CORO1B: variants seen among roughly 807,000 people sequenced by gnomAD.
CORO1B encodes the protein coronin-1B.
CORO1B carries 30 observed loss-of-function variants against 51.1 expected under a neutral mutation model. That is an observed-to-expected ratio of 0.59 (90% CI 0.44 to 0.80). The LOEUF is 0.80. CORO1B is among the 30% of genes least tolerant of loss of function. CORO1B has a pLI of 0.00. For synonymous variants in CORO1B, 310 were observed against 289.7 expected, an observed-to-expected ratio of 1.07 and a Z score of -0.71; for missense variants, 648 against 700.4, an observed-to-expected ratio of 0.93 and a Z score of 0.84.
In CORO1B at chr11:67,440,201, G is replaced by A. The variant is rs1223822110; in HGVS notation, c.924C>T (p.Asn308=). 3 of 1,613,810 alleles carry A rather than the reference G, an allele frequency of 1.9e-6. No individual in the cohort carries two copies. Among genetic ancestry groups the A allele is most frequent in the South Asian group, 2.2e-5 (2 of 91,094 alleles). ...GCTGCGGCTCCTTGCTGGTGAACGT[G>A]TTCAGGAAGTGGATGTAGGGAGGCT... ...TEEPPYIHFL[N]TFTSKEPQRG... The change falls in exon 8 of 11, where the codon AAC becomes AAT. Residue 308 remains asparagine (N), a synonymous_variant. Transcript: ENST00000341356.
At chr11:67,442,915 G>A (rs1388900695) in intron 1 of CORO1B, among the ~76,000 whole-genome samples, 1 of 152,216 alleles carries the variant, frequency 6.6e-6, no homozygotes, top group Non-Finnish European at 1.5e-5. Context: ...TGTGTGTCGG[G>A]GGCAGGAGGT....
chr11:67,442,599 G>C lies in CORO1B; in HGVS notation c.30C>G (p.Ser10Arg). 1 of 1,613,728 alleles carries C rather than the reference G, an allele frequency of 6.2e-7. No homozygotes were observed. The highest frequency in any genetic ancestry group is 1.1e-5 in the South Asian group (1 of 91,090). Residue 10 changes from serine (S) to arginine (R), a missense_variant, in exon 2 of 11, where the codon AGC (serine) becomes AGG (arginine). Physicochemically the swap from Ser to Arg is moderately radical, Grantham distance 110. Transcript: ENST00000341356. Reference sequence around the variant, plus strand: ...GCTGCCCGAACACATGCCGGAATTTGCTCTGCCGGACCACTTTGCGGAAGG... The same window carrying C: ...GCTGCCCGAACACATGCCGGAATTTCCTCTGCCGGACCACTTTGCGGAAGG... MSFRKVVRQSKFRHVFGQPV... is the reference protein window; with the variant it reads MSFRKVVRQRKFRHVFGQPV...
intron 4 of CORO1B, 21 bp from the exon 5 acceptor site, chr11:67,441,535 G>A (rs908916140): frequency 3.1e-6 from 5 of 1,605,232 alleles, no homozygotes; most frequent in Non-Finnish European, 4.3e-6. Context: ...AGGGTTGTCA[G>A]CTCGGGCCGG....
At position 67,435,620 on chromosome 11, in the gene CORO1B, C is replaced by T; in HGVS notation, c.*2756G>A. On this transcript the variant is annotated 3_prime_UTR_variant, in exon 11 of 11. Transcript: ENST00000341356. ...GGACTTGGGAACTGGTAGGGGGTGA[C>T]AGTCTGAGGCATGGTCATGTGGGCT... The T allele has an allele frequency of 6.9e-7, 1 of 1,448,442 alleles. No homozygotes were observed. Among genetic ancestry groups the T allele is most frequent in the African/African-American group, 1.4e-5 (1 of 70,574 alleles). The allele number at this position is 1,448,442 out of a possible 1,614,324, so 89.7% of individuals were successfully genotyped here.
intron 8 of CORO1B, 63 bp from the exon 9 acceptor site, chr11:67,439,906 C>T: frequency 1.4e-6 from 2 of 1,458,050 alleles, no homozygotes; most frequent in Non-Finnish European, 1.9e-6. Context: ...ACCGCCAGCT[C>T]TCCTGGCATC....
Position 67,441,486 on chromosome 11 carries a change from AT to A in CORO1B, c.482del (p.Asn161MetfsTer82). 1.9e-6 allele frequency: 3 copies of A among 1,613,612 alleles called. No individual in the cohort carries two copies. The highest frequency in any genetic ancestry group is 2.5e-6 in the Non-Finnish European group (3 of 1,179,930). On this transcript the variant is annotated frameshift_variant, in exon 5 of 11. Transcript: ENST00000341356. LOFTEE classifies it high-confidence loss of function. ...GGTACAGCTCCTCCGCTGTGCCCAC[AT>A]TCCAGATGAGTACCACGTTGTCGCA... ...AGCDNVVLIW[N>X]VGTAEELYRL...
rs1412763104 is a variant in CORO1B, at chr11:67,436,722, C to T, written c.*1654G>A. The T allele has an allele frequency of 1.3e-5, 3 of 226,788 alleles. No individual in the cohort carries two copies. Among genetic ancestry groups the T allele is most frequent in the African/African-American group, 2.3e-5 (1 of 43,788 alleles). The allele number at this position is 226,788 out of a possible 1,614,324, so 14.0% of individuals were successfully genotyped here. On this transcript the variant is annotated 3_prime_UTR_variant, in exon 11 of 11. Coordinates refer to ENST00000341356, the MANE Select transcript of CORO1B (RefSeq NM_020441.3). The stretch of plus-strand genomic sequence containing the variant: ...CCAGTGAGGCTGAACCTGACCTTAA[C>T]CTCTACCCTGATGTCTATCACTGCA...
chr11:67,440,122 C>T lies in CORO1B; in HGVS notation c.1003G>A (p.Ala335Thr), dbSNP rs767771419. 59 of 1,609,450 alleles carry T rather than the reference C, an allele frequency of 3.7e-5. No individual in the cohort carries two copies. The highest frequency in any genetic ancestry group is 4.4e-5 in the Non-Finnish European group (52 of 1,177,810). The change falls in exon 8 of 11, where the codon GCC (alanine) becomes ACC (threonine). Residue 335 changes from alanine (A) to threonine (T), a missense_variant. Transcript: ENST00000341356. Reference sequence around the variant, plus strand: ...TGGCCTCGGTAGCCCTCTTACCGGGCGATCTCGCACTTGCTGACCTCCAGG... The same window carrying T: ...TGGCCTCGGTAGCCCTCTTACCGGGTGATCTCGCACTTGCTGACCTCCAGG... ...RGLEVSKCEIARFYKLHERKC... is the reference protein window; with the variant it reads ...RGLEVSKCEITRFYKLHERKC...
At chr11:67,438,580 C>A in intron 10 of CORO1B, 79 bp from the exon 11 acceptor site, 1 of 1,552,974 alleles carries the variant, frequency 6.4e-7, no homozygotes, top group East Asian at 2.3e-5. Flanking sequence ...CACCACTACC[C>A]CAGAGAGGGA....
At position 67,437,440 on chromosome 11, in the gene CORO1B, A is replaced by G; in HGVS notation, c.*936T>C. 1.5e-6 allele frequency: 1 copy of G among 660,298 alleles called. No individual in the cohort carries two copies. Among genetic ancestry groups the G allele is most frequent in the Non-Finnish European group, 2.2e-6 (1 of 446,570 alleles). 40.9% of individuals were successfully genotyped at this position (660,298 alleles called of 1,614,324 possible). The stretch of plus-strand genomic sequence containing the variant: ...ATGGGGTGCTGGGGGCCAGGCCTGG[A>G]GTCCCAGGGAGCCCAGCTCAGGTGA... On this transcript the variant is annotated 3_prime_UTR_variant, in exon 11 of 11. Transcript: ENST00000341356.
chr11:67,442,659 C>A (rs770247525), intron 1 of CORO1B, 29 bp from the exon 2 acceptor site: 2 of 1,600,416 alleles, frequency 1.2e-6, no homozygotes. Context: ...TGGGTCAGTC[C>A]GGCCCATCCC....
rs142509476 is a variant in CORO1B, at chr11:67,438,753, G to A, written c.1262C>T (p.Pro421Leu). 1.8e-4 allele frequency: 285 copies of A among 1,564,378 alleles called. No homozygotes were observed. The East Asian group carries it at 4.4e-3, about 24-fold the overall frequency. ...GGGGGCCCCTAGGTGGGAGGAGCCCGGGGCCATGGCGGGCCGGCTGTCAGA... is the reference window on the plus strand; with the variant it reads ...GGGGGCCCCTAGGTGGGAGGAGCCCAGGGCCATGGCGGGCCGGCTGTCAGA... ...VLSDSRPAMAPGSSHLGAPAS... is the reference protein window; with the variant it reads ...VLSDSRPAMALGSSHLGAPAS... The change falls in exon 10 of 11, where the codon CCG (proline) becomes CTG (leucine). Residue 421 changes from proline to leucine, a missense_variant. Pro to Leu is a moderately conservative substitution (Grantham distance 98, BLOSUM62 -3). Coordinates refer to ENST00000341356, the MANE Select transcript of CORO1B (RefSeq NM_020441.3).
Position 67,437,506 on chromosome 11 carries a change from C to A in CORO1B, c.*870G>T, listed in dbSNP as rs1864311082. ...TCTGCCATACTCCTCTTAGGTCTCA[C>A]CTCTTCCCTGGGGCCAATGTGGGGC... is the stretch of plus-strand genomic sequence containing the variant. On this transcript the variant is annotated 3_prime_UTR_variant, in exon 11 of 11. Coordinates refer to ENST00000341356, the MANE Select transcript of CORO1B (RefSeq NM_020441.3). The A allele has an allele frequency of 8.1e-7, 1 of 1,241,686 alleles. No homozygotes were observed. The highest frequency in any genetic ancestry group is 3.1e-5 in the South Asian group (1 of 31,890). 76.9% of individuals were successfully genotyped at this position (1,241,686 alleles called of 1,614,324 possible).
rs753471428 is a variant in CORO1B, at chr11:67,435,944, G to T, written c.*2432C>A. ...CACGGGGACCTGCTCTGGGCTGGAC[G>T]CCTCTCCACATTGCTGCTCGCCTTC... On this transcript the variant is annotated 3_prime_UTR_variant, in exon 11 of 11. Transcript: ENST00000341356. 6.2e-7 allele frequency: 1 copy of T among 1,613,506 alleles called. No individual in the cohort carries two copies. Among genetic ancestry groups the T allele is most frequent in the South Asian group, 1.1e-5 (1 of 91,078 alleles).
At chr11:67,443,605 G>C (rs995071909), upstream of CORO1B, 48 of 708,542 alleles carry the variant, frequency 6.8e-5, no homozygotes, top group Non-Finnish European at 8.0e-5. Context: ...GCCGGGAGCG[G>C]GGCCGCCGGG....
In CORO1B at chr11:67,439,177, G is replaced by A. The variant is rs188329647; in HGVS notation, c.1066-228C>T. ...CATCACCTTCCCCTGCAAGGCACAG[G>A]GGCCACTATGTGGCTTTATGGGATT... On this transcript the variant is annotated intron_variant, in intron 9 of 10. Coordinates refer to ENST00000341356, the MANE Select transcript of CORO1B (RefSeq NM_020441.3). 1.6e-4 allele frequency among the ~76,000 whole-genome samples: 25 copies of A among 152,350 alleles called. 1 individual carries two copies. In the East Asian group the frequency reaches 4.8e-3, roughly 29 times the overall value.
intron 10 of CORO1B, 47 bp from the exon 11 acceptor site, chr11:67,438,548 T>G: frequency 1.3e-6 from 2 of 1,576,750 alleles, no homozygotes; most frequent in Non-Finnish European, 1.7e-6. Context: ...CAGGGGCTGC[T>G]AAGCCATAGC....
chr11:67,435,707 C>G lies in CORO1B; in HGVS notation c.*2669G>C. 6.7e-7 allele frequency: 1 copy of G among 1,500,212 alleles called. No individual in the cohort carries two copies. The highest frequency in any genetic ancestry group is 1.3e-5 in the South Asian group (1 of 75,396). 92.9% of individuals were successfully genotyped at this position (1,500,212 alleles called of 1,614,324 possible). On this transcript the variant is annotated 3_prime_UTR_variant, in exon 11 of 11. Transcript: ENST00000341356. ...AGGCACGGGGAGTGAGCGGCTGTGA[C>G]AGGGATGGGACACCAAGACCGGCCT...
chr11:67,438,249 G>T lies in CORO1B; in HGVS notation c.*127C>A. Reference sequence around the variant, plus strand: ...TTCGGCCTGGGCCTGGGACGGGTGGGGGTGGGAACTGACCCCTGCGCTGCC... The same window carrying T: ...TTCGGCCTGGGCCTGGGACGGGTGGTGGTGGGAACTGACCCCTGCGCTGCC... On this transcript the variant is annotated 3_prime_UTR_variant, in exon 11 of 11. Coordinates refer to ENST00000341356, the MANE Select transcript of CORO1B (RefSeq NM_020441.3). 1.7e-6 allele frequency: 2 copies of T among 1,209,516 alleles called. No homozygotes were observed. Among genetic ancestry groups the T allele is most frequent in the Non-Finnish European group, 1.1e-6 (1 of 875,956 alleles). The allele number at this position is 1,209,516 out of a possible 1,614,324, so 74.9% of individuals were successfully genotyped here. A position where few individuals can be genotyped will look rare whatever the true frequency, so the allele number is the denominator to read the frequency against.
Sources: gnomAD v4.1 joint callset for allele counts (sites outside exome capture counted in the v4.1 genomes callset) on GRCh38, gnomAD v4.1.1 for gene constraint, MANE v1.5 for transcripts, NCBI Gene and HGNC (gene_info 2026-07-23, HGNC 2026-07-21) for gene names.